The following KCNG2 variants were observed in gnomAD, a reference collection of about 807,000 sequenced individuals.
KCNG2 encodes voltage-gated potassium channel regulatory subunit KCNG2.
A neutral mutation model predicts 12.3 loss-of-function variants in KCNG2; 7 were observed. The ratio of observed to expected loss-of-function variants is 0.57; its 90% CI spans 0.32 to 1.07. The LOEUF (loss-of-function observed/expected upper bound fraction) is 1.07, where lower values mean the gene tolerates loss of function less well. Ranked by LOEUF, KCNG2 falls within the 50% of genes least tolerant of loss-of-function variation. The pLI is 0.04. For synonymous variants in KCNG2, 414 were observed against 351.4 expected, an observed-to-expected ratio of 1.18 and a Z score of -1.99; for missense variants, 703 against 726.0, an observed-to-expected ratio of 0.97 and a Z score of 0.36.
At chr18:79,856,135 C>T (rs536535087) in intron 1 of KCNG2, among the ~76,000 whole-genome samples, 1 of 152,154 alleles carries the variant, frequency 6.6e-6, no homozygotes, top group Non-Finnish European at 1.5e-5. Context: ...GGAAGAAAGC[C>T]TTTTACAGCA....
chr18:79,877,350 C>A (rs1424630265), intron 3 of KCNG2, among the ~76,000 whole-genome samples: 2 of 152,142 alleles, frequency 1.3e-5, no homozygotes, highest in African/African-American at 4.8e-5. Context: ...TCAGTGGCCG[C>A]GGCTGTTTGC....
At position 79,875,632 on chromosome 18, in the gene KCNG2, C is replaced by T. The variant is rs1431916365; in HGVS notation, c.624+11341C>T. ...GCACCACAGACCTTCCCGCCCTACA[C>T]GGCAGCACCGCAGACCCTGGCACGG... On this transcript the variant is annotated intron_variant, in intron 3 of 3. Transcript: ENST00000316249. Among the ~76,000 whole-genome samples the T allele has an allele frequency of 3.3e-5, 5 of 152,238 alleles. No individual in the cohort carries two copies. The South Asian group carries it at 6.2e-4, about 19-fold the overall frequency.
intron 1 of KCNG2, among the ~76,000 whole-genome samples, chr18:79,799,994 C>T (rs1015662175): frequency 6.6e-6 from 1 of 152,196 alleles, no homozygotes; most frequent in Non-Finnish European, 1.5e-5. Context: ...CTGAATGTCT[C>T]GGGAGGATCT....
At chr18:79,849,000 GATA>G (rs1023725439) in intron 1 of KCNG2, among the ~76,000 whole-genome samples, 1 of 152,148 alleles carries the variant, frequency 6.6e-6, no homozygotes, top group African/African-American at 2.4e-5. Flanking sequence ...AAGAGCCGTG[GATA>G]ATGAGTGCTT....
rs1978311214 is a variant in KCNG2 at position 79,834,206 on chromosome 18, C to T, written c.-114-22173C>T. On this transcript the variant is annotated intron_variant, in intron 1 of 3. Coordinates refer to ENST00000316249, the MANE Select transcript of KCNG2 (RefSeq NM_012283.2). The stretch of plus-strand genomic sequence containing the variant: ...TGGACCAAAGATCAGGCTGCAGAAC[C>T]CTGATAAAGACCCGTTTGCCTCGGC... Among the ~76,000 whole-genome samples the T allele has an allele frequency of 1.3e-5, 2 of 152,362 alleles. 1 individual carries two copies. Among genetic ancestry groups the T allele is most frequent in the Middle Eastern group, 6.8e-3 (2 of 294 alleles).
At chr18:79,829,957 G>A (rs1312038852) in intron 1 of KCNG2, among the ~76,000 whole-genome samples, 1 of 152,236 alleles carries the variant, frequency 6.6e-6, no homozygotes, top group Non-Finnish European at 1.5e-5. Flanking sequence ...TCAAAGCCTT[G>A]CACTTGGAGA....
chr18:79,899,959 C>A lies in KCNG2; in HGVS notation c.*143C>A. Reference sequence around the variant, plus strand: ...TCCTCGGCCCTCGTGCGTGAGCAGCCCCAGAACTTGGCGGGGCCCTGCCTG... The same window carrying A: ...TCCTCGGCCCTCGTGCGTGAGCAGCACCAGAACTTGGCGGGGCCCTGCCTG... On this transcript the variant is annotated 3_prime_UTR_variant, in exon 4 of 4. Transcript: ENST00000316249. The A allele has an allele frequency of 1.3e-6, 1 of 754,292 alleles. No individual in the cohort carries two copies. Among genetic ancestry groups the A allele is most frequent in the Non-Finnish European group, 1.8e-6 (1 of 552,738 alleles). 46.7% of individuals were successfully genotyped at this position (754,292 alleles called of 1,614,324 possible).
In KCNG2 at chr18:79,899,161, C is replaced by A. The variant is rs749684550; in HGVS notation, c.746C>A (p.Ala249Glu). ...GAGAGCAAGTGCGCCTTCCTGCGCGCGCCACTCAACATCATTGACATCCTG... is the reference window on the plus strand; with the variant it reads ...GAGAGCAAGTGCGCCTTCCTGCGCGAGCCACTCAACATCATTGACATCCTG... ...QAESKCAFLR[A>E]PLNIIDILAL... The change falls in exon 4 of 4, where the codon GCG (alanine) becomes GAG (glutamate). Residue 249 changes from alanine to glutamate, a missense_variant. Physicochemically the swap from Ala to Glu is moderately radical, Grantham distance 107. Coordinates refer to ENST00000316249, the MANE Select transcript of KCNG2 (RefSeq NM_012283.2). The A allele has an allele frequency of 1.2e-6, 2 of 1,606,710 alleles. No homozygotes were observed. Among genetic ancestry groups the A allele is most frequent in the South Asian group, 2.2e-5 (2 of 90,988 alleles).
At chr18:79,826,132 C>T (rs1165391011) in intron 1 of KCNG2, among the ~76,000 whole-genome samples, 2 of 152,244 alleles carry the variant, frequency 1.3e-5, no homozygotes, top group Non-Finnish European at 2.9e-5. Flanking sequence ...CAGGAAGGGC[C>T]GGGAGCTCTG....
chr18:79,863,938 C>A lies in KCNG2; in HGVS notation c.271C>A (p.Arg91=). 1 of 1,351,752 alleles carries A rather than the reference C, an allele frequency of 7.4e-7. No homozygotes were observed. The highest frequency in any genetic ancestry group is 1.7e-5 in the South Asian group (1 of 59,200). 83.7% of individuals were successfully genotyped at this position (1,351,752 alleles called of 1,614,324 possible). Residue 91 remains arginine (R), a synonymous_variant, in exon 3 of 4, where the codon CGA becomes AGA. Transcript: ENST00000316249. The stretch of plus-strand genomic sequence containing the variant: ...GGCGCTTTTGCGCGCAGGGAAGCTG[C>A]GACTGCTGCGGGGCCCGTGCGCGCT... The part of the protein sequence containing the change: ...IVALLRAGKL[R]LLRGPCALAF...
At chr18:79,807,752 C>T (rs1237807375) in intron 1 of KCNG2, among the ~76,000 whole-genome samples, 1 of 151,160 alleles carries the variant, frequency 6.6e-6, no homozygotes, top group South Asian at 2.1e-4. Flanking sequence ...TGTTATATGC[C>T]CAGAGTCCTC....
intron 1 of KCNG2, among the ~76,000 whole-genome samples, chr18:79,835,405 T>A (rs1978318244): frequency 1.3e-5 from 2 of 152,218 alleles, no homozygotes; most frequent in African/African-American, 4.8e-5. Context: ...AAAACAGCCG[T>A]TGTAAAAATA....
chr18:79,888,388 C>T (rs1312677023), intron 3 of KCNG2, among the ~76,000 whole-genome samples: 5 of 151,468 alleles, frequency 3.3e-5, no homozygotes, highest in South Asian at 4.2e-4. Flanking sequence ...CATGAGGCCG[C>T]GGTGGGGCCG....
At chr18:79,810,380 C>A (rs977784474) in intron 1 of KCNG2, among the ~76,000 whole-genome samples, 3 of 152,214 alleles carry the variant, frequency 2.0e-5, no homozygotes, top group Non-Finnish European at 4.4e-5. Flanking sequence ...CCCAGCACAG[C>A]TCTACAGGGC....
intron 1 of KCNG2, among the ~76,000 whole-genome samples, chr18:79,835,089 C>T (rs1406106401): frequency 2.6e-5 from 4 of 152,174 alleles, no homozygotes; most frequent in East Asian, 3.8e-4. Context: ...ACCCCCATCC[C>T]GACCCACTGG....
chr18:79,805,173 G>A (rs2087439717), intron 1 of KCNG2, among the ~76,000 whole-genome samples: 1 of 152,180 alleles, frequency 6.6e-6, no homozygotes, highest in Non-Finnish European at 1.5e-5. Context: ...ATCGTCAAAA[G>A]TTAGAAACAC....
At position 79,899,049 on chromosome 18, in the gene KCNG2, T is replaced by C; in HGVS notation, c.634T>C (p.Ser212Pro). ...IRAEEERGEC[S>P]PKCRSLFVLE... The stretch of plus-strand genomic sequence containing the variant: ...TCCCCTCTCCCCGCAGGGCGAGTGC[T>C]CCCCCAAGTGCCGCAGCCTGTTCGT... Residue 212 changes from serine to proline, a missense_variant, in exon 4 of 4, where the codon TCC (serine) becomes CCC (proline). By Grantham distance (74) the Ser-to-Pro change is moderately conservative. Transcript: ENST00000316249. The C allele has an allele frequency of 6.4e-7, 1 of 1,562,594 alleles. No individual in the cohort carries two copies. Among genetic ancestry groups the C allele is most frequent in the Non-Finnish European group, 8.6e-7 (1 of 1,157,392 alleles).
Position 79,864,261 on chromosome 18 carries a change from C to A in KCNG2, c.594C>A (p.Thr198=), listed in dbSNP as rs1391944117. 1.3e-6 allele frequency: 2 copies of A among 1,545,518 alleles called. No homozygotes were observed. The highest frequency in any genetic ancestry group is 2.9e-5 in the African/African-American group (2 of 69,732). ...AVTAVGLCLS[T]MPDIRAEEER... Reference sequence around the variant, plus strand: ...CGGCCGTGGGCCTCTGCCTGAGCACCATGCCGGACATCCGCGCCGAGGAGG... The same window carrying A: ...CGGCCGTGGGCCTCTGCCTGAGCACAATGCCGGACATCCGCGCCGAGGAGG... Residue 198 remains threonine, a synonymous_variant, in exon 3 of 4, where the codon ACC becomes ACA. Coordinates refer to ENST00000316249, the MANE Select transcript of KCNG2 (RefSeq NM_012283.2).
intron 2 of KCNG2, among the ~76,000 whole-genome samples, chr18:79,856,759 G>A (rs1458963176): frequency 6.6e-6 from 1 of 152,042 alleles, no homozygotes; most frequent in African/African-American, 2.4e-5. Context: ...GACAAACTGG[G>A]ACAGCTGCTG....
Sources: allele counts gnomAD v4.1 joint callset (sites outside exome capture counted in the v4.1 genomes callset), GRCh38; gene constraint gnomAD v4.1.1; transcripts MANE v1.5; gene names NCBI Gene and HGNC (gene_info 2026-07-23, HGNC 2026-07-21).